RAD54B: variants seen among roughly 807,000 people sequenced by gnomAD.
RAD54B encodes RAD54 homolog B.
Under a neutral mutation model 95.8 loss-of-function variants are expected in RAD54B, and 78 were observed. The ratio of observed to expected loss-of-function variants is 0.81; its 90% CI spans 0.68 to 0.98. The LOEUF (loss-of-function observed/expected upper bound fraction) is 0.98. Among genes scored for constraint, RAD54B ranks in the 50% least tolerant of loss-of-function variants. The pLI is 0.00. For synonymous variants in RAD54B, 328 were observed against 354.9 expected (o/e 0.92, Z 0.85); for missense variants, 957 against 1,056.6 (o/e 0.91, Z 1.31).
intron 3 of RAD54B, among the ~76,000 whole-genome samples, chr8:94,445,241 C>T (rs1259662275): frequency 2.0e-5 from 3 of 152,070 alleles, no homozygotes; most frequent in African/African-American, 7.2e-5. Context: ...GGGTACTAAT[C>T]GCATTCATGA....
chr8:94,436,663 C>A, intron 3 of RAD54B: 2 of 1,550,500 alleles, frequency 1.3e-6, no homozygotes, highest in Non-Finnish European at 1.7e-6. Flanking sequence ...ATAAAGGGTG[C>A]GTAGGCCCTG....
chr8:94,460,747 G>T (rs1048347152), intron 2 of RAD54B, among the ~76,000 whole-genome samples: 3 of 152,168 alleles, frequency 2.0e-5, no homozygotes, highest in Non-Finnish European at 4.4e-5. Context: ...CTCCAGGAGA[G>T]AATATATTTC....
chr8:94,397,927 A>G (rs1811185568), intron 8 of RAD54B, among the ~76,000 whole-genome samples: 1 of 151,908 alleles, frequency 6.6e-6, no homozygotes, highest in African/African-American at 2.4e-5. Flanking sequence ...TGATCTCAAG[A>G]TCAAAGGCCA....
At chr8:94,466,173 C>T (rs115365384) in intron 2 of RAD54B, among the ~76,000 whole-genome samples, 5 of 152,132 alleles carry the variant, frequency 3.3e-5, no homozygotes, top group African/African-American at 7.2e-5. Context: ...ATGTTACATA[C>T]GCTTAACCAC....
rs1810453624 is a variant in RAD54B at position 94,372,072 on chromosome 8, C to T, written c.*98G>A. 22 of 1,472,018 alleles carry T rather than the reference C, an allele frequency of 1.5e-5. No homozygotes were observed. Among genetic ancestry groups the T allele is most frequent in the African/African-American group, 4.3e-5 (3 of 69,960 alleles). The allele number at this position is 1,472,018 out of a possible 1,614,324, so 91.2% of individuals were successfully genotyped here. ...AAAGTGATATATTTTGCAACATATA[C>T]TGTAATTTAAATAATTCTATTAATT... is the stretch of plus-strand genomic sequence containing the variant. On this transcript the variant is annotated 3_prime_UTR_variant, in exon 15 of 15. Coordinates refer to ENST00000336148, the MANE Select transcript of RAD54B (RefSeq NM_012415.3).
rs199636234 is a variant in RAD54B, at chr8:94,394,153, C to T, written c.1379-271G>A. 2.7e-4 allele frequency among the ~76,000 whole-genome samples: 41 copies of T among 152,298 alleles called. No individual in the cohort carries two copies. The East Asian group carries it at 7.5e-3, about 28-fold the overall frequency. ...TGAGTGCAGGCTCAGTGGAGTCTGA[C>T]TGCTTAGGTTCAAATCCTACCTGCA... On this transcript the variant is annotated intron_variant, in intron 8 of 14. Transcript: ENST00000336148.
At chr8:94,404,381 C>G (rs1410827681) in intron 5 of RAD54B, 142 bp from the exon 6 acceptor site, 7 of 632,592 alleles carry the variant, frequency 1.1e-5, no homozygotes, top group Non-Finnish European at 1.7e-5. Flanking sequence ...GTAATGTTAC[C>G]CAAGGGCACA....
intron 3 of RAD54B, among the ~76,000 whole-genome samples, chr8:94,453,590 T>C (rs1210862917): frequency 2.0e-5 from 3 of 152,150 alleles, no homozygotes; most frequent in African/African-American, 4.8e-5. Context: ...TTCAGTGATA[T>C]ACTGTTGCAG....
intron 3 of RAD54B, chr8:94,432,768 A>C: frequency 1.6e-6 from 2 of 1,287,898 alleles, no homozygotes; most frequent in East Asian, 2.7e-5. Context: ...TAAAACTATA[A>C]AGTTACAAAA....
Position 94,458,403 on chromosome 8 carries a change from G to A in RAD54B, c.169C>T (p.Gln57Ter), listed in dbSNP as rs1167471970. 3.1e-6 allele frequency: 5 copies of A among 1,600,424 alleles called. No individual in the cohort carries two copies. The African/African-American group carries it at 4.0e-5, about 13-fold the overall frequency. ...VAINNTFLPS[Q>*]NDLRICSLNL... ...AAACTGCATATTCTAAGATCATTTT[G>A]TGACGGGAGAAAGGTGTTATTAATT... The change falls in exon 3 of 15, where the codon CAA becomes TAA. Residue 57 changes from glutamine to a stop codon, truncating the protein, a stop_gained. Coordinates refer to ENST00000336148, the MANE Select transcript of RAD54B (RefSeq NM_012415.3). LOFTEE classifies it high-confidence loss of function.
intron 9 of RAD54B, among the ~76,000 whole-genome samples, chr8:94,392,764 A>AGTTT (rs1811052282): frequency 1.4e-5 from 1 of 72,602 alleles, no homozygotes; most frequent in Non-Finnish European, 2.4e-5. Flanking sequence ...CACCTGGCTG[A>AGTTT]TTTTTTTTTT....
chr8:94,407,832 T>C, intron 4 of RAD54B, 112 bp from the exon 5 acceptor site: 1 of 729,000 alleles, frequency 1.4e-6, no homozygotes, highest in East Asian at 2.8e-5. Flanking sequence ...ATATAATGCA[T>C]TAGCCAAAAT....
chr8:94,377,934 C>A (rs1470786528), intron 14 of RAD54B, among the ~76,000 whole-genome samples: 1 of 139,058 alleles, frequency 7.2e-6, no homozygotes, highest in Non-Finnish European at 1.5e-5. Context: ...CGAGATCGCG[C>A]CACTGCACTC....
intron 3 of RAD54B, among the ~76,000 whole-genome samples, chr8:94,427,100 T>C (rs1473434705): frequency 6.6e-6 from 1 of 152,050 alleles, no homozygotes; most frequent in Non-Finnish European, 1.5e-5. Flanking sequence ...GGTTTCTTAA[T>C]GTTAGGGGAA....
chr8:94,427,728 T>A (rs1451529350), intron 3 of RAD54B: 2 of 981,692 alleles, frequency 2.0e-6, no homozygotes, highest in African/African-American at 3.5e-5. Flanking sequence ...CAAAGTAGTA[T>A]CTTGTATTTA....
At chr8:94,439,699 G>A (rs548317691) in intron 3 of RAD54B, among the ~76,000 whole-genome samples, 208 of 152,226 alleles carry the variant, frequency 1.4e-3, no homozygotes, top group African/African-American at 4.8e-3. Context: ...GTGGCGGCGG[G>A]GGCGGTGTTC....
intron 14 of RAD54B, among the ~76,000 whole-genome samples, chr8:94,377,117 T>C (rs531388627): frequency 6.6e-6 from 1 of 152,324 alleles, no homozygotes; most frequent in South Asian, 2.1e-4. Flanking sequence ...CTGAGAAGTA[T>C]GGTGACCTAT....
intron 6 of RAD54B, 83 bp downstream of exon 6, chr8:94,403,994 T>A: frequency 8.9e-7 from 1 of 1,129,880 alleles, no homozygotes. Context: ...CTCATTATAT[T>A]AGGATCTTCT....
At chr8:94,464,228 G>A (rs1371882240) in intron 2 of RAD54B, among the ~76,000 whole-genome samples, 2 of 152,118 alleles carry the variant, frequency 1.3e-5, no homozygotes, top group South Asian at 4.1e-4. Flanking sequence ...GATTACCCAG[G>A]TGGGCCTAAC....
Sources: gnomAD v4.1 joint callset for allele counts (sites outside exome capture counted in the v4.1 genomes callset) on GRCh38, gnomAD v4.1.1 for gene constraint, MANE v1.5 for transcripts, NCBI Gene and HGNC (gene_info 2026-07-23, HGNC 2026-07-21) for gene names.